RBM20: variants seen among roughly 807,000 people sequenced by gnomAD.
RBM20 encodes RNA-binding protein 20.
A neutral mutation model predicts 110.1 loss-of-function variants in RBM20; 51 were observed. The ratio of observed to expected loss-of-function variants is 0.46; its 90% CI spans 0.37 to 0.59. RBM20 has a LOEUF of 0.59. Ranked by LOEUF, RBM20 falls within the 20% of genes least tolerant of loss-of-function variation. RBM20 has a pLI of 0.00. For synonymous variants in RBM20, 589 were observed against 618.2 expected (o/e 0.95, Z 0.70); for missense variants, 1,512 against 1,574.9 (o/e 0.96, Z 0.68).
At position 110,667,309 on chromosome 10, in the gene RBM20, T is replaced by C. The variant is rs1159457938; in HGVS notation, c.191+22664T>C. ...GGTACCCCCACTGAACCCCATGATA[T>C]TCTCCAGCACTTTCTTGGGGACCTT... On this transcript the variant is annotated intron_variant, in intron 1 of 13. Coordinates refer to ENST00000369519, the MANE Select transcript of RBM20 (RefSeq NM_001134363.3). Among the ~76,000 whole-genome samples the C allele has an allele frequency of 2.0e-5, 3 of 152,214 alleles. No individual in the cohort carries two copies. The East Asian group carries it at 5.8e-4, about 29-fold the overall frequency.
In RBM20 at chr10:110,825,312, A is replaced by C. The variant is rs192018533; in HGVS notation, c.3451+1698A>C. 3.7e-4 allele frequency among the ~76,000 whole-genome samples: 57 copies of C among 152,354 alleles called. 1 individual carries two copies. Among genetic ancestry groups the C allele is most frequent in the African/African-American group, 1.2e-3 (48 of 41,586 alleles). Reference sequence around the variant, plus strand: ...TATAACGCAAGTCTCTTGTCATCCAAGAACTTGGAACCTAATTGATACTAG... The same window carrying C: ...TATAACGCAAGTCTCTTGTCATCCACGAACTTGGAACCTAATTGATACTAG... On this transcript the variant is annotated intron_variant, in intron 12 of 13. Coordinates refer to ENST00000369519, the MANE Select transcript of RBM20 (RefSeq NM_001134363.3).
chr10:110,655,279 C>A (rs1267620320), intron 1 of RBM20, among the ~76,000 whole-genome samples: 3 of 147,706 alleles, frequency 2.0e-5, no homozygotes, highest in Non-Finnish European at 4.5e-5. Flanking sequence ...CACCCCCGCC[C>A]TTTTTTTTCC....
chr10:110,829,507 C>T (rs951770407), intron 12 of RBM20, among the ~76,000 whole-genome samples: 2 of 152,174 alleles, frequency 1.3e-5, no homozygotes, highest in African/African-American at 4.8e-5. Flanking sequence ...CCTCAGGCCC[C>T]GGACCACAGC....
At chr10:110,829,824 C>T (rs1014150811) in intron 12 of RBM20, among the ~76,000 whole-genome samples, 1 of 152,168 alleles carries the variant, frequency 6.6e-6, no homozygotes, top group African/African-American at 2.4e-5. Context: ...TGCTGTTCCC[C>T]TGCCTGTGCC....
intron 1 of RBM20, among the ~76,000 whole-genome samples, chr10:110,654,397 A>G (rs937415193): frequency 1.5e-4 from 23 of 152,286 alleles, no homozygotes; most frequent in African/African-American, 5.5e-4. Context: ...GAGACATTCC[A>G]TCTCTTGAGT....
chr10:110,664,622 CT>C (rs1862151079), intron 1 of RBM20, among the ~76,000 whole-genome samples: 1 of 152,002 alleles, frequency 6.6e-6, no homozygotes, highest in African/African-American at 2.4e-5. Flanking sequence ...TGGCTAACCC[CT>C]GTAGTCCCAG....
At position 110,644,411 on chromosome 10, in the gene RBM20, C is replaced by T. The variant is rs778705037; in HGVS notation, c.-44C>T. 45 of 1,413,486 alleles carry T rather than the reference C, an allele frequency of 3.2e-5. 1 individual carries two copies. In the South Asian group the frequency reaches 5.8e-4, roughly 18 times the overall value. The allele number at this position is 1,413,486 out of a possible 1,614,324, so 87.6% of individuals were successfully genotyped here. On this transcript the variant is annotated 5_prime_UTR_variant, in exon 1 of 14. Coordinates refer to ENST00000369519, the MANE Select transcript of RBM20 (RefSeq NM_001134363.3). The surrounding 1 kb of genome is among the most constrained non-coding windows in gnomAD (Gnocchi z 4.3). ...GCGCCCGTGGCCCGGGACCGCCCCT[C>T]CCTTGAGCTCTCTCGCCGCGATCCC...
At chr10:110,742,896 C>A (rs1331991502) in intron 1 of RBM20, among the ~76,000 whole-genome samples, 3 of 152,224 alleles carry the variant, frequency 2.0e-5, no homozygotes, top group African/African-American at 7.2e-5. Flanking sequence ...CAGTGTGCCT[C>A]ACCTCCAACT....
At chr10:110,758,712 C>A (rs1265910494) in intron 1 of RBM20, among the ~76,000 whole-genome samples, 1 of 152,124 alleles carries the variant, frequency 6.6e-6, no homozygotes, top group Non-Finnish European at 1.5e-5. Flanking sequence ...TGAAATGTGG[C>A]TAACGCAACT....
At chr10:110,795,478 A>G (rs1844538370) in intron 5 of RBM20, among the ~76,000 whole-genome samples, 2 of 152,228 alleles carry the variant, frequency 1.3e-5, no homozygotes, top group South Asian at 4.1e-4. Flanking sequence ...GGGCTGAACC[A>G]TAAAAGGAAA....
At chr10:110,775,548 A>G (rs938250080) in intron 1 of RBM20, among the ~76,000 whole-genome samples, 1 of 151,930 alleles carries the variant, frequency 6.6e-6, no homozygotes, top group African/African-American at 2.4e-5. Flanking sequence ...AGATGTTAAG[A>G]CTCTCTTGGA....
rs375318727 is a variant in RBM20 at position 110,658,252 on chromosome 10, G to T, written c.191+13607G>T. 2.2e-4 allele frequency among the ~76,000 whole-genome samples: 34 copies of T among 152,298 alleles called. No individual in the cohort carries two copies. The East Asian group carries it at 6.2e-3, about 28-fold the overall frequency. ...GGCCAGCCGAGTATTAGAGCAGTTC[G>T]GTGGAGCAGGGGAAACTTACACACC... On this transcript the variant is annotated intron_variant, in intron 1 of 13. Transcript: ENST00000369519.
chr10:110,722,924 C>T (rs1843524456), intron 1 of RBM20, among the ~76,000 whole-genome samples: 1 of 151,902 alleles, frequency 6.6e-6, no homozygotes, highest in South Asian at 2.1e-4. Context: ...TTAGCCTGGC[C>T]AAAAAGGCAA....
chr10:110,699,156 T>C (rs1018574838), intron 1 of RBM20, among the ~76,000 whole-genome samples: 8 of 151,942 alleles, frequency 5.3e-5, no homozygotes, highest in Middle Eastern at 6.8e-3. Flanking sequence ...ACTTAACCTT[T>C]CCAGACCCAC....
intron 1 of RBM20, among the ~76,000 whole-genome samples, chr10:110,719,540 C>T (rs942516427): frequency 1.4e-4 from 21 of 151,936 alleles, no homozygotes; most frequent in South Asian, 1.0e-3. Context: ...TTTTGTCTCG[C>T]GGGTATATGT....
At chr10:110,784,696 G>C in intron 4 of RBM20, 96 bp from the exon 5 acceptor site, 1 of 825,678 alleles carries the variant, frequency 1.2e-6, no homozygotes, top group Non-Finnish European at 2.0e-6. Flanking sequence ...TATGTGAAGG[G>C]GAAAGGTTCA....
At chr10:110,729,086 T>C (rs151271477) in intron 1 of RBM20, among the ~76,000 whole-genome samples, 1 of 152,316 alleles carries the variant, frequency 6.6e-6, no homozygotes, top group Non-Finnish European at 1.5e-5. Context: ...GCTGCAACCA[T>C]GACAGCAATA....
chr10:110,795,531 G>A (rs1844538876), intron 5 of RBM20, among the ~76,000 whole-genome samples: 1 of 152,194 alleles, frequency 6.6e-6, no homozygotes, highest in African/African-American at 2.4e-5. Context: ...TGAGACAAAT[G>A]AGGGCTTTTC....
intron 5 of RBM20, among the ~76,000 whole-genome samples, chr10:110,792,985 C>G (rs572055513): frequency 9.2e-5 from 14 of 152,142 alleles, no homozygotes; most frequent in South Asian, 2.1e-4. Flanking sequence ...TTGGAGAAAG[C>G]TATCATTATC....
Sources: gnomAD v4.1 joint callset for allele counts (sites outside exome capture counted in the v4.1 genomes callset) on GRCh38, gnomAD v4.1.1 for gene constraint, Gnocchi (gnomAD v3.1) non-coding constraint, MANE v1.5 for transcripts, NCBI Gene and HGNC (gene_info 2026-07-23, HGNC 2026-07-21) for gene names.